PLCL1: variants seen among roughly 807,000 people sequenced by gnomAD.
PLCL1 encodes the protein inactive phospholipase C-like protein 1.
PLCL1 carries 41 observed loss-of-function variants against 84.4 expected under a neutral mutation model. The observed-to-expected ratio is 0.49, with a 90% CI of 0.38 to 0.63. PLCL1 has a LOEUF of 0.63. Ranked by LOEUF, PLCL1 falls within the 30% of genes least tolerant of loss-of-function variation. PLCL1 has a pLI of 0.00. For synonymous variants in PLCL1, 490 were observed against 488.3 expected, an observed-to-expected ratio of 1.00 and a Z score of -0.05; for missense variants, 1,206 against 1,367.8, an observed-to-expected ratio of 0.88 and a Z score of 1.87.
chr2:197,897,158 T>C (rs575950654), intron 1 of PLCL1, among the ~76,000 whole-genome samples: 2,076 of 35,262 alleles, frequency 0.059, 26 homozygotes, highest in African/African-American at 0.084. Context: ...TTCTTCTTCT[T>C]CTTCTTCTTC....
chr2:197,962,907 C>A (rs1042509340), intron 1 of PLCL1, among the ~76,000 whole-genome samples: 1 of 152,012 alleles, frequency 6.6e-6, no homozygotes, highest in African/African-American at 2.4e-5. Context: ...GGAAGGATAT[C>A]ATTCTTTTTT....
chr2:198,095,644 T>C (rs189662642), intron 3 of PLCL1, among the ~76,000 whole-genome samples: 90 of 152,300 alleles, frequency 5.9e-4, no homozygotes, highest in African/African-American at 1.9e-3. Flanking sequence ...GAGTCTACTA[T>C]TGGGGATGTG....
At chr2:198,140,929 T>A (rs566726432) in intron 5 of PLCL1, among the ~76,000 whole-genome samples, 2 of 152,302 alleles carry the variant, frequency 1.3e-5, no homozygotes, top group Non-Finnish European at 2.9e-5. Flanking sequence ...AATTAAAAAA[T>A]TAACTTTATA....
At chr2:197,818,666 C>T (rs757004728) in intron 1 of PLCL1, among the ~76,000 whole-genome samples, 1 of 152,066 alleles carries the variant, frequency 6.6e-6, no homozygotes, top group Non-Finnish European at 1.5e-5. Flanking sequence ...CTGCACCTGG[C>T]CAAGAGATAA....
intron 1 of PLCL1, among the ~76,000 whole-genome samples, chr2:198,036,733 A>C (rs1371730254): frequency 6.6e-6 from 1 of 152,204 alleles, no homozygotes; most frequent in African/African-American, 2.4e-5. Flanking sequence ...AAACTTTGCT[A>C]CTAGTCCATA....
chr2:197,839,576 C>A (rs944248797), intron 1 of PLCL1, among the ~76,000 whole-genome samples: 10 of 152,172 alleles, frequency 6.6e-5, no homozygotes, highest in Non-Finnish European at 1.3e-4. Flanking sequence ...CTGTGCCGTG[C>A]AGTTTCTGAT....
intron 1 of PLCL1, among the ~76,000 whole-genome samples, chr2:197,872,337 G>A (rs558001942): frequency 6.6e-6 from 1 of 152,186 alleles, no homozygotes; most frequent in South Asian, 2.1e-4. Context: ...ACTAAGTCTG[G>A]AAGGCATTTA....
chr2:197,933,342 C>T (rs1348914726), intron 1 of PLCL1, among the ~76,000 whole-genome samples: 2 of 150,076 alleles, frequency 1.3e-5, no homozygotes, highest in Non-Finnish European at 3.0e-5. Context: ...CGGCTCACTG[C>T]AAACTCCACC....
intron 5 of PLCL1, among the ~76,000 whole-genome samples, chr2:198,140,261 G>T (rs1245318352): frequency 6.6e-6 from 1 of 152,054 alleles, no homozygotes; most frequent in Non-Finnish European, 1.5e-5. Context: ...CAGCATTGTT[G>T]CCACTGGATT....
chr2:197,848,505 AGGAC>A (rs1462829746), intron 1 of PLCL1, among the ~76,000 whole-genome samples: 1 of 152,214 alleles, frequency 6.6e-6, no homozygotes, highest in Non-Finnish European at 1.5e-5. Context: ...CCTGAAGACA[AGGAC>A]TAGGCCGAGG....
chr2:198,044,277 T>C (rs1691736530), intron 1 of PLCL1, among the ~76,000 whole-genome samples: 1 of 152,206 alleles, frequency 6.6e-6, no homozygotes, highest in African/African-American at 2.4e-5. Flanking sequence ...TTCTACAGTG[T>C]TACTGAAACC....
intron 1 of PLCL1, among the ~76,000 whole-genome samples, chr2:197,890,799 TATTTGCTATATATGTGTATATATAC>T: frequency 1.4e-5 from 2 of 144,826 alleles, no homozygotes; most frequent in Non-Finnish European, 3.0e-5. Flanking sequence ...TGTATATATA[TATTTGCTATATATGTGTATATATAC>T]ATATATGCAT....
intron 1 of PLCL1, among the ~76,000 whole-genome samples, chr2:197,827,537 G>A (rs1574899898): frequency 7.2e-5 from 11 of 152,032 alleles, no homozygotes; most frequent in Admixed American, 6.6e-4. Context: ...GCTCAGAGTC[G>A]ACAAGAGGAT....
chr2:197,832,117 A>G (rs568651282), intron 1 of PLCL1, among the ~76,000 whole-genome samples: 7 of 152,184 alleles, frequency 4.6e-5, no homozygotes, highest in African/African-American at 1.4e-4. Context: ...AGATCAAACA[A>G]ATTTGAAAAC....
At chr2:198,041,182 C>G (rs1052316563) in intron 1 of PLCL1, among the ~76,000 whole-genome samples, 1 of 152,136 alleles carries the variant, frequency 6.6e-6, no homozygotes, top group Non-Finnish European at 1.5e-5. Context: ...GGAGACTAAC[C>G]CTTCGGTTTG....
chr2:197,868,069 C>T (rs749146868), intron 1 of PLCL1, among the ~76,000 whole-genome samples: 1 of 152,088 alleles, frequency 6.6e-6, no homozygotes, highest in Non-Finnish European at 1.5e-5. Context: ...AAGGCCTATC[C>T]ACCCGGTGAC....
rs1337014834 is a variant in PLCL1, at chr2:198,109,024, C to T, written c.3105+5088C>T. Among the ~76,000 whole-genome samples, 3 of 152,016 alleles carry T rather than the reference C, an allele frequency of 2.0e-5. No individual in the cohort carries two copies. In the Middle Eastern group the frequency reaches 0.01, roughly 517 times the overall value. On this transcript the variant is annotated intron_variant, in intron 5 of 5. Transcript: ENST00000428675. ...AAATAACTCCATTCCATTCCACCCT[C>T]ACATGTTAAAAGACCTTTCCCTCTG...
intron 1 of PLCL1, among the ~76,000 whole-genome samples, chr2:197,967,120 C>T (rs978299205): frequency 2.0e-5 from 3 of 152,110 alleles, no homozygotes; most frequent in Non-Finnish European, 2.9e-5. Context: ...TGTGGATCCC[C>T]AGTGAGAACT....
chr2:197,810,579 T>C (rs1337212626), intron 1 of PLCL1, among the ~76,000 whole-genome samples: 3 of 152,212 alleles, frequency 2.0e-5, no homozygotes, highest in Admixed American at 1.3e-4. Context: ...AAATGTCAAT[T>C]GAACATTTAT....
Sources: gnomAD v4.1 joint callset for allele counts (sites outside exome capture counted in the v4.1 genomes callset) on GRCh38, gnomAD v4.1.1 for gene constraint, MANE v1.5 for transcripts, NCBI Gene and HGNC (gene_info 2026-07-23, HGNC 2026-07-21) for gene names.